The following THSD4 variants were observed in gnomAD, a reference collection of about 807,000 sequenced individuals.
THSD4 encodes thrombospondin type-1 domain-containing protein 4.
A neutral mutation model predicts 119.0 loss-of-function variants in THSD4; 69 were observed. The observed-to-expected ratio is 0.58, with a 90% CI of 0.48 to 0.71. THSD4 has a LOEUF of 0.71. Ranked by LOEUF, THSD4 falls within the 30% of genes least tolerant of loss-of-function variation. THSD4 has a pLI of 0.00. For synonymous variants in THSD4, 524 were observed against 540.4 expected (o/e 0.97, Z 0.42); for missense variants, 1,393 against 1,391.1 (o/e 1.00, Z -0.02).
chr15:71,671,325 G>A (rs1223882019), intron 8 of THSD4, among the ~76,000 whole-genome samples: 2 of 152,124 alleles, frequency 1.3e-5, no homozygotes, highest in African/African-American at 4.8e-5. Flanking sequence ...ACTTTTTGAT[G>A]GAGTTGTTTG....
Position 71,225,546 on chromosome 15 carries a change from T to C in THSD4, c.464+10147T>C, listed in dbSNP as rs1050823804. Among the ~76,000 whole-genome samples the C allele has an allele frequency of 6.4e-5, 5 of 78,524 alleles. 1 individual carries two copies. Among genetic ancestry groups the C allele is most frequent in the African/African-American group, 2.0e-4 (4 of 20,190 alleles). 51.5% of individuals were successfully genotyped at this position (78,524 alleles called of 152,430 possible). ...CAAACACATTTTCTTTTTCTTTTTT[T>C]TTTTCTTTTTTTTTTTTTTGAGACG... On this transcript the variant is annotated intron_variant, in intron 4 of 17. Coordinates refer to ENST00000261862, the MANE Select transcript of THSD4 (RefSeq NM_024817.3).
At chr15:71,628,859 C>T (rs974900210) in intron 7 of THSD4, among the ~76,000 whole-genome samples, 2 of 152,188 alleles carry the variant, frequency 1.3e-5, no homozygotes, top group African/African-American at 4.8e-5. Context: ...AGCCAGGCAT[C>T]CCCGGGAAAC....
intron 8 of THSD4, among the ~76,000 whole-genome samples, chr15:71,702,704 A>G (rs2052316057): frequency 6.6e-6 from 1 of 152,206 alleles, no homozygotes; most frequent in Non-Finnish European, 1.5e-5. Context: ...GCCTTTGCAC[A>G]GACAGTTCTT....
chr15:71,143,711 T>C (rs2040628905), intron 2 of THSD4, among the ~76,000 whole-genome samples: 1 of 141,498 alleles, frequency 7.1e-6, no homozygotes, highest in Non-Finnish European at 1.5e-5. Context: ...TTTTTTTTTT[T>C]TTTTTTTTCA....
chr15:71,605,450 G>A (rs879720834), intron 7 of THSD4, among the ~76,000 whole-genome samples: 1 of 152,176 alleles, frequency 6.6e-6, no homozygotes, highest in Non-Finnish European at 1.5e-5. Flanking sequence ...ACTGCCGTGT[G>A]GGGAACAGAC....
chr15:71,656,306 C>G (rs888891116), intron 7 of THSD4, among the ~76,000 whole-genome samples: 1 of 151,900 alleles, frequency 6.6e-6, no homozygotes. Flanking sequence ...TTAGGGAAAG[C>G]TGGGTGAAAG....
intron 7 of THSD4, among the ~76,000 whole-genome samples, chr15:71,474,213 G>C (rs2047625577): frequency 1.4e-5 from 2 of 146,162 alleles, no homozygotes; most frequent in South Asian, 4.7e-4. Flanking sequence ...TTGGCATCTT[G>C]CTATTTTATT....
chr15:71,101,525 T>C (rs533860228), intron 1 of THSD4, among the ~76,000 whole-genome samples: 3 of 152,306 alleles, frequency 2.0e-5, no homozygotes, highest in African/African-American at 4.8e-5. Context: ...TCTTATTTCA[T>C]TACTATTGTT....
intron 16 of THSD4, among the ~76,000 whole-genome samples, chr15:71,770,075 C>T (rs1428045199): frequency 1.8e-5 from 2 of 108,710 alleles, no homozygotes; most frequent in African/African-American, 4.0e-5. Flanking sequence ...GGAGAAACCC[C>T]GTCTCTACTA....
chr15:71,277,369 G>A (rs1490507506), intron 6 of THSD4, among the ~76,000 whole-genome samples: 1 of 152,062 alleles, frequency 6.6e-6, no homozygotes, highest in African/African-American at 2.4e-5. Context: ...CAGGTGGTCT[G>A]CTCACCTTGG....
intron 8 of THSD4, among the ~76,000 whole-genome samples, chr15:71,698,908 G>T (rs973651007): frequency 4.6e-5 from 7 of 151,992 alleles, no homozygotes; most frequent in Non-Finnish European, 8.8e-5. Flanking sequence ...GGTTGCTAGA[G>T]CTTGGCAGGA....
chr15:71,420,583 A>T (rs2046795779), intron 7 of THSD4, among the ~76,000 whole-genome samples: 3 of 100,744 alleles, frequency 3.0e-5, no homozygotes, highest in Non-Finnish European at 4.3e-5. Context: ...AGTGAGGGTG[A>T]TTTTCTCTGG....
Position 71,341,765 on chromosome 15 carries a change from C to T in THSD4, c.1016-69922C>T, listed in dbSNP as rs1443457413. The T allele has an allele frequency of 3.7e-6, 3 of 813,276 alleles. No individual in the cohort carries two copies. In the African/African-American group the frequency reaches 5.0e-5, roughly 14 times the overall value. 50.4% of individuals were successfully genotyped at this position (813,276 alleles called of 1,614,324 possible). A position where few individuals can be genotyped will look rare whatever the true frequency, so the allele number is the denominator to read the frequency against. On this transcript the variant is annotated intron_variant, in intron 6 of 17. Transcript: ENST00000261862. ...GAAAAGAGCTCTCTCCCTTTTCTTC[C>T]TTTTTTCTCCTACCTCCCTCACAAC...
At chr15:71,749,525 G>A (rs111318481) in intron 14 of THSD4, among the ~76,000 whole-genome samples, 1 of 152,020 alleles carries the variant, frequency 6.6e-6, no homozygotes, top group Non-Finnish European at 1.5e-5. Context: ...TTGGTTAGCG[G>A]CCTACCTCTC....
intron 1 of THSD4, among the ~76,000 whole-genome samples, chr15:71,140,292 A>C (rs1009614828): frequency 3.3e-5 from 5 of 152,176 alleles, no homozygotes; most frequent in Non-Finnish European, 5.9e-5. Flanking sequence ...GGAAGCTTTC[A>C]ATCATGGTGG....
intron 6 of THSD4, among the ~76,000 whole-genome samples, chr15:71,363,891 G>A (rs895735719): frequency 4.6e-5 from 7 of 152,206 alleles, no homozygotes; most frequent in Non-Finnish European, 1.0e-4. Flanking sequence ...ATGAGATGGT[G>A]CAGAAAGGGT....
intron 3 of THSD4, among the ~76,000 whole-genome samples, chr15:71,161,660 C>T (rs1193767822): frequency 6.6e-6 from 1 of 151,802 alleles, no homozygotes; most frequent in Non-Finnish European, 1.5e-5. Context: ...TTCTTTTAGG[C>T]ACCATATAGT....
chr15:71,448,954 C>T (rs1026112928), intron 7 of THSD4, among the ~76,000 whole-genome samples: 4 of 152,212 alleles, frequency 2.6e-5, no homozygotes, highest in Admixed American at 1.3e-4. Context: ...TGGGGACTGG[C>T]TGTAAACACA....
intron 7 of THSD4, among the ~76,000 whole-genome samples, chr15:71,644,111 C>G (rs1435143435): frequency 6.6e-6 from 1 of 152,204 alleles, no homozygotes; most frequent in African/African-American, 2.4e-5. Flanking sequence ...AAATTAGCCC[C>G]AGTGACTGTC....
Sources: allele counts gnomAD v4.1 joint callset (sites outside exome capture counted in the v4.1 genomes callset), GRCh38; gene constraint gnomAD v4.1.1; transcripts MANE v1.5; gene names NCBI Gene and HGNC (gene_info 2026-07-23, HGNC 2026-07-21).